The following ATXN10 variants were observed in gnomAD, a reference collection of about 807,000 sequenced individuals.
ATXN10 encodes ataxin 10.
A neutral mutation model predicts 52.9 loss-of-function variants in ATXN10; 28 were observed. The observed-to-expected ratio is 0.53, with a 90% CI of 0.39 to 0.73. The LOEUF (loss-of-function observed/expected upper bound fraction) is 0.73, where lower values mean the gene tolerates loss of function less well. ATXN10 is among the 30% of genes least tolerant of loss of function. The pLI is 0.00. For synonymous variants in ATXN10, 226 were observed against 221.5 expected (o/e 1.02, Z -0.18); for missense variants, 565 against 577.0 (o/e 0.98, Z 0.21).
At chr22:45,736,194 C>A (rs575843446) in intron 7 of ATXN10, among the ~76,000 whole-genome samples, 139 of 152,172 alleles carry the variant, frequency 9.1e-4, no homozygotes, top group Non-Finnish European at 9.0e-4. Flanking sequence ...ACTTATACTC[C>A]ATATGCCATC....
At chr22:45,672,328 C>T (rs1601580538) in intron 1 of ATXN10, 149 bp downstream of exon 1, 1 of 864,650 alleles carries the variant, frequency 1.2e-6, no homozygotes, top group Non-Finnish European at 1.5e-6. Flanking sequence ...CCACCCAGGC[C>T]TCCCGACTCC....
Position 45,819,369 on chromosome 22 carries a change from C to T in ATXN10, c.1237+12347C>T, listed in dbSNP as rs1928575936. Reference sequence around the variant, plus strand: ...CAAAATCCACATGCCTGATGGTTTCCTTCAAATGCTGCCTCTGTGGGTAGG... The same window carrying T: ...CAAAATCCACATGCCTGATGGTTTCTTTCAAATGCTGCCTCTGTGGGTAGG... On this transcript the variant is annotated intron_variant, in intron 10 of 11. Coordinates refer to ENST00000252934, the MANE Select transcript of ATXN10 (RefSeq NM_013236.4). This position sits in a 1 kb window ranked among gnomAD's most constrained non-coding sequence, Gnocchi z 4.5. Among the ~76,000 whole-genome samples the T allele has an allele frequency of 6.6e-6, 1 of 152,152 alleles. No individual in the cohort carries two copies. Among genetic ancestry groups the T allele is most frequent in the African/African-American group, 2.4e-5 (1 of 41,420 alleles).
rs759864962 is a variant in ATXN10, at chr22:45,678,662, A to G, written c.116+6483A>G. ...ATTTTGGGTACTCTGTAAATGTTGAACTGAACTGAATAGAGCAATGAAGAG... is the reference window on the plus strand; with the variant it reads ...ATTTTGGGTACTCTGTAAATGTTGAGCTGAACTGAATAGAGCAATGAAGAG... On this transcript the variant is annotated intron_variant, in intron 1 of 11. Transcript: ENST00000252934. This position sits in a 1 kb window ranked among gnomAD's most constrained non-coding sequence, Gnocchi z 4.1. 4 of 152,190 alleles carry G rather than the reference A, an allele frequency of 2.6e-5. No individual in the cohort carries two copies. The highest frequency in any genetic ancestry group is 5.9e-5 in the Non-Finnish European group (4 of 68,038). 9.4% of individuals were successfully genotyped at this position (152,190 alleles called of 1,614,324 possible). A position where few individuals can be genotyped will look rare whatever the true frequency, so the allele number is the denominator to read the frequency against.
At position 45,702,757 on chromosome 22, in the gene ATXN10, A is replaced by T. The variant is rs748265496; in HGVS notation, c.557A>T (p.Asn186Ile). Residue 186 changes from asparagine (N) to isoleucine (I), a missense_variant, in exon 5 of 12, where the codon AAT becomes ATT. By Grantham distance (149) the Asn-to-Ile change is moderately radical (BLOSUM62 -3). Coordinates refer to ENST00000252934, the MANE Select transcript of ATXN10 (RefSeq NM_013236.4). ...YSSMILFTSL[N>I]HERMKELEEN... ...TCAATGATTTTGTTTACATCCCTTA[A>T]TCATGAAAGAATGAAAGAACTGGAG... 1.2e-6 allele frequency: 2 copies of T among 1,614,038 alleles called. No homozygotes were observed. Among genetic ancestry groups the T allele is most frequent in the South Asian group, 2.2e-5 (2 of 91,084 alleles).
rs935540551 is a variant in ATXN10 at position 45,671,844 on chromosome 22, C to T, written c.-220C>T. The stretch of plus-strand genomic sequence containing the variant: ...CCCCTCCCCCGCGGCGCCGTCTCCT[C>T]CTCCCGCCTGAGGCGAGTCTGGGCT... On this transcript the variant is annotated 5_prime_UTR_variant, in exon 1 of 12. Coordinates refer to ENST00000252934, the MANE Select transcript of ATXN10 (RefSeq NM_013236.4). The T allele has an allele frequency of 3.5e-5, 14 of 402,538 alleles. No individual in the cohort carries two copies. The highest frequency in any genetic ancestry group is 2.7e-4 in the East Asian group (6 of 22,582). 24.9% of individuals were successfully genotyped at this position (402,538 alleles called of 1,614,324 possible).
At chr22:45,693,123 G>T (rs1335395934) in intron 3 of ATXN10, 45 bp downstream of exon 3, 1 of 1,504,904 alleles carries the variant, frequency 6.6e-7, no homozygotes. Flanking sequence ...CTTTATAAAG[G>T]GTTCAAAACC....
intron 3 of ATXN10, among the ~76,000 whole-genome samples, chr22:45,699,845 TA>T (rs1261111821): frequency 6.7e-6 from 1 of 149,116 alleles, no homozygotes; most frequent in Non-Finnish European, 1.5e-5. Context: ...TAAGGCATAT[TA>T]ATTTTTTTTT....
intron 5 of ATXN10, among the ~76,000 whole-genome samples, chr22:45,714,303 T>C (rs1323426091): frequency 6.6e-6 from 1 of 152,202 alleles, no homozygotes; most frequent in Admixed American, 6.5e-5. Context: ...AGGAGTATTT[T>C]CTAGATTAGG....
At chr22:45,800,759 A>G (rs746272233) in intron 9 of ATXN10, among the ~76,000 whole-genome samples, 20 of 152,356 alleles carry the variant, frequency 1.3e-4, no homozygotes, top group Non-Finnish European at 1.9e-4. Flanking sequence ...ACAAAAATCA[A>G]TGATACATGT....
rs1922926876 is a variant in ATXN10 at position 45,681,658 on chromosome 22, C to T, written c.117-8054C>T. On this transcript the variant is annotated intron_variant, in intron 1 of 11. Coordinates refer to ENST00000252934, the MANE Select transcript of ATXN10 (RefSeq NM_013236.4). The surrounding 1 kb of genome is among the most constrained non-coding windows in gnomAD (Gnocchi z 4.2). ...TACCTTTGCGACAGTACCCAAATAG[C>T]TGAACAAGGCTAGAGAAAAACATAC... Among the ~76,000 whole-genome samples, 1 of 152,226 alleles carries T rather than the reference C, an allele frequency of 6.6e-6. No homozygotes were observed. Among genetic ancestry groups the T allele is most frequent in the Non-Finnish European group, 1.5e-5 (1 of 68,048 alleles).
At chr22:45,709,827 C>G (rs1924176017) in intron 5 of ATXN10, among the ~76,000 whole-genome samples, 2 of 152,224 alleles carry the variant, frequency 1.3e-5, no homozygotes, top group African/African-American at 4.8e-5. Flanking sequence ...ATAACACCTC[C>G]TGTTACTCTA....
chr22:45,720,112 T>G (rs1924592387), intron 6 of ATXN10, among the ~76,000 whole-genome samples: 1 of 152,054 alleles, frequency 6.6e-6, no homozygotes, highest in African/African-American at 2.4e-5. Context: ...GCCTCAAGGT[T>G]ATACTCAGCT....
In ATXN10 at chr22:45,819,397, G is replaced by A. The variant is rs536016910; in HGVS notation, c.1237+12375G>A. On this transcript the variant is annotated intron_variant, in intron 10 of 11. Coordinates refer to ENST00000252934, the MANE Select transcript of ATXN10 (RefSeq NM_013236.4). The surrounding 1 kb of genome is among the most constrained non-coding windows in gnomAD (Gnocchi z 4.5). ...CAAATGCTGCCTCTGTGGGTAGGAA[G>A]CACACTCTGATTCCACTGAGCCTGT... is the stretch of plus-strand genomic sequence containing the variant. Among the ~76,000 whole-genome samples, 1 of 152,300 alleles carries A rather than the reference G, an allele frequency of 6.6e-6. No homozygotes were observed. The highest frequency in any genetic ancestry group is 2.4e-5 in the African/African-American group (1 of 41,548).
rs1224804024 is a variant in ATXN10, at chr22:45,763,520, G to A, written c.1173+22982G>A. Among the ~76,000 whole-genome samples, 1 of 152,140 alleles carries A rather than the reference G, an allele frequency of 6.6e-6. No homozygotes were observed. The highest frequency in any genetic ancestry group is 6.5e-5 in the Admixed American group (1 of 15,278). ...GAGTGTGTGGCTGCTGCACCCTCAG[G>A]TGTTTGCTCATCTCCTCACAGGTCT... On this transcript the variant is annotated intron_variant, in intron 9 of 11. Transcript: ENST00000252934. The surrounding 1 kb of genome is among the most constrained non-coding windows in gnomAD (Gnocchi z 6.9).
chr22:45,746,635 C>T (rs930399917), intron 9 of ATXN10, among the ~76,000 whole-genome samples: 2 of 151,960 alleles, frequency 1.3e-5, no homozygotes, highest in Non-Finnish European at 2.9e-5. Flanking sequence ...ATATTCTCAG[C>T]CTATACTAGC....
Position 45,759,770 on chromosome 22 carries a change from AAGGG to A in ATXN10, c.1173+19234_1173+19237del, listed in dbSNP as rs1669750912. ...CACACCTCAGCTGCCGGCATGAGCTAAGGGACCATATAACAGTCAGCACTGTCCA... is the reference window on the plus strand; with the variant it reads ...CACACCTCAGCTGCCGGCATGAGCTAACCATATAACAGTCAGCACTGTCCA... On this transcript the variant is annotated intron_variant, in intron 9 of 11. Transcript: ENST00000252934. The surrounding 1 kb of genome is among the most constrained non-coding windows in gnomAD (Gnocchi z 5.4). Among the ~76,000 whole-genome samples the A allele has an allele frequency of 6.6e-6, 1 of 152,216 alleles. No individual in the cohort carries two copies. The highest frequency in any genetic ancestry group is 2.1e-4 in the South Asian group (1 of 4,828).
intron 9 of ATXN10, chr22:45,793,913 C>T (rs946942231): frequency 8.4e-7 from 1 of 1,191,996 alleles, no homozygotes; most frequent in South Asian, 4.1e-5. Context: ...AGGTGCTGCT[C>T]CTTGCAGAGC....
At chr22:45,722,038 A>G (rs1184408508) in intron 6 of ATXN10, among the ~76,000 whole-genome samples, 1 of 152,236 alleles carries the variant, frequency 6.6e-6, no homozygotes, top group East Asian at 1.9e-4. Flanking sequence ...TGATTGAGAG[A>G]CAAAATTATG....
rs1023749390 is a variant in ATXN10 at position 45,786,595 on chromosome 22, A to G, written c.1174-20364A>G. ...AGGTCTCGTACCCACTCCAAGTGCA[A>G]TGCTGCGGGCACATCTCAGCTGGTC... On this transcript the variant is annotated intron_variant, in intron 9 of 11. Transcript: ENST00000252934. The surrounding 1 kb of genome is among the most constrained non-coding windows in gnomAD (Gnocchi z 4.1). Among the ~76,000 whole-genome samples, 30 of 152,224 alleles carry G rather than the reference A, an allele frequency of 2.0e-4. No individual in the cohort carries two copies. Among genetic ancestry groups the G allele is most frequent in the African/African-American group, 7.0e-4 (29 of 41,468 alleles).
Sources: gnomAD v4.1 joint callset for allele counts (sites outside exome capture counted in the v4.1 genomes callset) on GRCh38, gnomAD v4.1.1 for gene constraint, Gnocchi (gnomAD v3.1) non-coding constraint, MANE v1.5 for transcripts, NCBI Gene and HGNC (gene_info 2026-07-23, HGNC 2026-07-21) for gene names.